The following CCDC6 variants were observed in gnomAD, a reference collection of about 807,000 sequenced individuals.
CCDC6 encodes the protein coiled-coil domain-containing protein 6.
Under a neutral mutation model 56.6 loss-of-function variants are expected in CCDC6, and 20 were observed. The observed-to-expected ratio is 0.35, with a 90% confidence interval of 0.25 to 0.51. The LOEUF (loss-of-function observed/expected upper bound fraction) is 0.51. Among genes scored for constraint, CCDC6 ranks in the 20% least tolerant of loss-of-function variants. CCDC6 has a pLI of 0.95. For missense variants in CCDC6, 367 were observed against 601.1 expected (o/e 0.61, Z 4.07); for synonymous variants, 241 against 234.4 (o/e 1.03, Z -0.26).
Position 59,804,528 on chromosome 10 carries a change from G to A in CCDC6, c.1005-8C>T, listed in dbSNP as rs1287497200. 1 of 1,527,862 alleles carries A rather than the reference G, an allele frequency of 6.5e-7. No individual in the cohort carries two copies. Among genetic ancestry groups the A allele is most frequent in the South Asian group, 1.1e-5 (1 of 89,340 alleles). The allele number at this position is 1,527,862 out of a possible 1,614,324, so 94.6% of individuals were successfully genotyped here. On this transcript the variant is annotated splice_polypyrimidine_tract_variant and splice_region_variant and intron_variant, in intron 6 of 8. Coordinates refer to ENST00000263102, the MANE Select transcript of CCDC6 (RefSeq NM_005436.5). ...GACATCTCATTAAAATACCTAAGAGGAGAGAGGAGGAAACGATAAAACCAC... is the reference window on the plus strand; with the variant it reads ...GACATCTCATTAAAATACCTAAGAGAAGAGAGGAGGAAACGATAAAACCAC...
At chr10:59,877,824 C>A (rs1414042894) in intron 1 of CCDC6, among the ~76,000 whole-genome samples, 2 of 152,158 alleles carry the variant, frequency 1.3e-5, no homozygotes, top group Admixed American at 1.3e-4. Context: ...ATCAGGGTAA[C>A]CAGAGCCAAG....
At chr10:59,851,116 A>G (rs553721809) in intron 2 of CCDC6, among the ~76,000 whole-genome samples, 1 of 149,430 alleles carries the variant, frequency 6.7e-6, no homozygotes, top group Non-Finnish European at 1.5e-5. Context: ...ACTCCAAAAA[A>G]CAACCATGTA....
At chr10:59,865,286 A>C (rs571121522) in intron 1 of CCDC6, among the ~76,000 whole-genome samples, 104 of 152,320 alleles carry the variant, frequency 6.8e-4, no homozygotes, top group Middle Eastern at 6.8e-3. Context: ...GAGAAAAGGA[A>C]GTAATCAAGC....
intron 3 of CCDC6, among the ~76,000 whole-genome samples, chr10:59,815,058 A>G (rs1205493795): frequency 6.6e-6 from 1 of 152,294 alleles, no homozygotes; most frequent in East Asian, 1.9e-4. Context: ...TCGGTGTACT[A>G]GTCATATCAG....
At chr10:59,875,275 C>A (rs774135542) in intron 1 of CCDC6, among the ~76,000 whole-genome samples, 6 of 152,094 alleles carry the variant, frequency 3.9e-5, no homozygotes, top group Admixed American at 6.5e-5. Context: ...AACCTGTTTT[C>A]CAAATTTTGT....
Position 59,906,498 on chromosome 10 carries a change from T to G in CCDC6, c.-74A>C. 7.7e-7 allele frequency: 1 copy of G among 1,306,548 alleles called. No homozygotes were observed. Among genetic ancestry groups the G allele is most frequent in the Non-Finnish European group, 1.0e-6 (1 of 999,580 alleles). 80.9% of individuals were successfully genotyped at this position (1,306,548 alleles called of 1,614,324 possible). ...CGACGAAGGCCGGGCTGCGAATGAGTGGGCGCCGGGCGAGCACAGGGGAGC... is the reference window on the plus strand; with the variant it reads ...CGACGAAGGCCGGGCTGCGAATGAGGGGGCGCCGGGCGAGCACAGGGGAGC... On this transcript the variant is annotated 5_prime_UTR_variant, in exon 1 of 9. Coordinates refer to ENST00000263102, the MANE Select transcript of CCDC6 (RefSeq NM_005436.5).
At chr10:59,888,179 G>A (rs2071396765) in intron 1 of CCDC6, among the ~76,000 whole-genome samples, 1 of 152,238 alleles carries the variant, frequency 6.6e-6, no homozygotes, top group African/African-American at 2.4e-5. Context: ...CTCCAGCCCT[G>A]AGTGGCTTCA....
chr10:59,839,188 G>C (rs962794327), intron 2 of CCDC6, among the ~76,000 whole-genome samples: 1 of 152,198 alleles, frequency 6.6e-6, no homozygotes, highest in Non-Finnish European at 1.5e-5. Flanking sequence ...AATTTCACAC[G>C]TAAAGGGTAA....
intron 1 of CCDC6, among the ~76,000 whole-genome samples, chr10:59,905,704 T>C (rs2071538579): frequency 6.6e-6 from 1 of 152,086 alleles, no homozygotes. Context: ...CAGGACCCAG[T>C]AAGAGATCCC....
intron 6 of CCDC6, chr10:59,805,172 C>G (rs1434219815): frequency 6.6e-6 from 1 of 152,560 alleles, no homozygotes. Flanking sequence ...TCAGCTTACA[C>G]TCTGTGAAAT....
At chr10:59,832,487 A>G (rs769895084) in intron 3 of CCDC6, 38 bp downstream of exon 3, 2 of 1,583,878 alleles carry the variant, frequency 1.3e-6, no homozygotes, top group East Asian at 4.5e-5. Flanking sequence ...GCTGAGAACG[A>G]GAAAATACAA....
intron 1 of CCDC6, among the ~76,000 whole-genome samples, chr10:59,866,347 T>C (rs745438135): frequency 9.9e-5 from 15 of 152,176 alleles, no homozygotes; most frequent in Non-Finnish European, 1.6e-4. Flanking sequence ...AGGAAAAAGC[T>C]AAGCATTTTT....
rs1178169117 is a variant in CCDC6 at position 59,893,604 on chromosome 10, TCAAA to T, written c.303+12514_303+12517del. ...CCGGGTGAAAGAGTGAGACTTTGTCTCAAACAAACAAATACATACATACATACAT... is the reference window on the plus strand; with the variant it reads ...CCGGGTGAAAGAGTGAGACTTTGTCTCAAACAAATACATACATACATACAT... On this transcript the variant is annotated intron_variant, in intron 1 of 8. Coordinates refer to ENST00000263102, the MANE Select transcript of CCDC6 (RefSeq NM_005436.5). 5.5e-5 allele frequency among the ~76,000 whole-genome samples: 8 copies of T among 146,026 alleles called. 1 individual carries two copies. The highest frequency in any genetic ancestry group is 1.3e-4 in the African/African-American group (5 of 38,980).
At chr10:59,823,937 T>C (rs1350725543) in intron 3 of CCDC6, among the ~76,000 whole-genome samples, 4 of 152,214 alleles carry the variant, frequency 2.6e-5, no homozygotes, top group African/African-American at 9.6e-5. Context: ...TGCCCTTCAA[T>C]TTAACATGCA....
chr10:59,891,711 C>G (rs925863033), intron 1 of CCDC6, among the ~76,000 whole-genome samples: 1 of 152,124 alleles, frequency 6.6e-6, no homozygotes, highest in Admixed American at 6.5e-5. Flanking sequence ...GCTAGAGGCC[C>G]CACAACTCTG....
chr10:59,877,534 G>A (rs1478404631), intron 1 of CCDC6, among the ~76,000 whole-genome samples: 3 of 152,146 alleles, frequency 2.0e-5, no homozygotes, highest in Non-Finnish European at 4.4e-5. Flanking sequence ...GTGGAAACCC[G>A]CACCAGGTCA....
intron 1 of CCDC6, among the ~76,000 whole-genome samples, chr10:59,857,512 C>T (rs1173030756): frequency 1.3e-5 from 2 of 152,124 alleles, no homozygotes; most frequent in African/African-American, 4.8e-5. Flanking sequence ...AATCCAAGTG[C>T]CAAAACCAAA....
intron 1 of CCDC6, among the ~76,000 whole-genome samples, chr10:59,891,869 T>C (rs2071424632): frequency 6.6e-6 from 1 of 152,134 alleles, no homozygotes; most frequent in Non-Finnish European, 1.5e-5. Context: ...ATATTAATAG[T>C]AGTTTGGAGA....
intron 2 of CCDC6, among the ~76,000 whole-genome samples, chr10:59,839,390 G>A (rs2070916705): frequency 6.6e-6 from 1 of 152,164 alleles, no homozygotes; most frequent in African/African-American, 2.4e-5. Flanking sequence ...TGCAAATACT[G>A]ATTGAATAAA....
Sources: gnomAD v4.1 joint callset for allele counts (sites outside exome capture counted in the v4.1 genomes callset) on GRCh38, gnomAD v4.1.1 for gene constraint, MANE v1.5 for transcripts, NCBI Gene and HGNC (gene_info 2026-07-23, HGNC 2026-07-21) for gene names.